The following PAPPA variants were observed in gnomAD, a reference collection of about 807,000 sequenced individuals.
PAPPA encodes the protein pappalysin 1, also known as pappalysin-1.
A neutral mutation model predicts 164.0 loss-of-function variants in PAPPA; 60 were observed. The observed-to-expected ratio is 0.37, with a 90% CI of 0.30 to 0.45. The LOEUF is 0.45. PAPPA is among the 20% of genes least tolerant of loss of function. The pLI, the probability that PAPPA is intolerant of heterozygous loss-of-function variation, is 1.00. For synonymous variants in PAPPA, 875 were observed against 814.1 expected, an observed-to-expected ratio of 1.07 and a Z score of -1.27; for missense variants, 1,782 against 2,087.3, an observed-to-expected ratio of 0.85 and a Z score of 2.85.
At chr9:116,192,538 A>C (rs1219023014) in intron 2 of PAPPA, among the ~76,000 whole-genome samples, 1 of 152,140 alleles carries the variant, frequency 6.6e-6, no homozygotes, top group Non-Finnish European at 1.5e-5. Flanking sequence ...TGCCAGCCCG[A>C]TCACTGCCCT....
At chr9:116,192,175 G>C (rs1425512426) in intron 2 of PAPPA, among the ~76,000 whole-genome samples, 1 of 152,150 alleles carries the variant, frequency 6.6e-6, no homozygotes. Flanking sequence ...AAAGGAACCT[G>C]TTGATGCAAT....
intron 7 of PAPPA, among the ~76,000 whole-genome samples, chr9:116,239,095 T>C (rs1844707498): frequency 6.6e-6 from 1 of 152,180 alleles, no homozygotes; most frequent in Non-Finnish European, 1.5e-5. Context: ...TCATTTTTTT[T>C]CTCTCAACAA....
chr9:116,260,373 T>G (rs1399059028), intron 7 of PAPPA, among the ~76,000 whole-genome samples: 2 of 152,202 alleles, frequency 1.3e-5, no homozygotes, highest in Admixed American at 1.3e-4. Flanking sequence ...GCATGTATAG[T>G]CTTTGGCACA....
Position 116,235,549 on chromosome 9 carries a change from A to G in PAPPA, c.2644A>G (p.Lys882Glu), listed in dbSNP as rs1844653513. ...TADTPLCLQC[K>E]PLKYKVVRDP... ...AGACACCCCACTCTGTCTACAGTGT[A>G]AGCCCCTGAAGTATAAGGTGGTCCG... The change falls in exon 7 of 22, where the codon AAG becomes GAG. Residue 882 changes from lysine to glutamate, a missense_variant. Lys to Glu is a moderately conservative substitution (Grantham distance 56). Coordinates refer to ENST00000328252, the MANE Select transcript of PAPPA (RefSeq NM_002581.5). 6.2e-7 allele frequency: 1 copy of G among 1,613,672 alleles called. No individual in the cohort carries two copies. The highest frequency in any genetic ancestry group is 8.5e-7 in the Non-Finnish European group (1 of 1,179,994).
At position 116,211,814 on chromosome 9, in the gene PAPPA, C is replaced by T. The variant is rs1844310877; in HGVS notation, c.1800C>T (p.Cys600=). ...CCTCCTTCGAGACTGGAGACCTCTG[C>T]AATGATACCAACCCAGCCCCTAAAC... ...TEPSFETGDL[C]NDTNPAPKHK... Residue 600 remains cysteine, a synonymous_variant, in exon 4 of 22, where the codon TGC becomes TGT. Transcript: ENST00000328252. The T allele has an allele frequency of 6.2e-7, 1 of 1,614,128 alleles. No individual in the cohort carries two copies. The highest frequency in any genetic ancestry group is 8.5e-7 in the Non-Finnish European group (1 of 1,179,984).
At chr9:116,303,811 A>C (rs1326260491) in intron 10 of PAPPA, among the ~76,000 whole-genome samples, 1 of 152,234 alleles carries the variant, frequency 6.6e-6, no homozygotes, top group Non-Finnish European at 1.5e-5. Flanking sequence ...GATGAAAGAA[A>C]GATATGACCT....
chr9:116,319,622 C>T (rs1438759298), intron 10 of PAPPA, among the ~76,000 whole-genome samples: 1 of 152,148 alleles, frequency 6.6e-6, no homozygotes, highest in Non-Finnish European at 1.5e-5. Flanking sequence ...ATCATCCTCA[C>T]CGTTATTGTC....
chr9:116,273,855 T>C (rs1278067369), intron 9 of PAPPA, among the ~76,000 whole-genome samples: 1 of 152,230 alleles, frequency 6.6e-6, no homozygotes, highest in Non-Finnish European at 1.5e-5. Flanking sequence ...ACTGTTGTTC[T>C]CTACCAGATT....
intron 10 of PAPPA, among the ~76,000 whole-genome samples, chr9:116,304,671 A>G (rs1259753992): frequency 6.6e-6 from 1 of 152,148 alleles, no homozygotes; most frequent in Non-Finnish European, 1.5e-5. Context: ...AATTATTCCA[A>G]TCTTGTAAGG....
At chr9:116,277,223 G>A (rs1437253469) in intron 9 of PAPPA, among the ~76,000 whole-genome samples, 2 of 152,160 alleles carry the variant, frequency 1.3e-5, no homozygotes, top group South Asian at 2.1e-4. Flanking sequence ...CAGACTGCAT[G>A]TATTCAATCA....
chr9:116,169,687 C>T (rs1004951121), intron 1 of PAPPA, among the ~76,000 whole-genome samples: 4 of 151,466 alleles, frequency 2.6e-5, no homozygotes, highest in Non-Finnish European at 5.9e-5. Context: ...GTCCATGCTC[C>T]TCCTGCAATC....
At chr9:116,228,336 C>G (rs1844541832) in intron 6 of PAPPA, among the ~76,000 whole-genome samples, 1 of 152,132 alleles carries the variant, frequency 6.6e-6, no homozygotes, top group Non-Finnish European at 1.5e-5. Context: ...AGACCCTGCC[C>G]CCACCCAGTC....
chr9:116,199,728 A>G (rs1216933297), intron 2 of PAPPA, among the ~76,000 whole-genome samples: 1 of 152,126 alleles, frequency 6.6e-6, no homozygotes, highest in African/African-American at 2.4e-5. Flanking sequence ...GTAATTTACA[A>G]AGGAAAGAGA....
At chr9:116,159,909 T>A (rs1042908307) in intron 1 of PAPPA, among the ~76,000 whole-genome samples, 4 of 152,152 alleles carry the variant, frequency 2.6e-5, no homozygotes, top group African/African-American at 9.7e-5. Context: ...AATTAAACTG[T>A]ATTCACAGAT....
chr9:116,160,665 C>T (rs1679807133), intron 1 of PAPPA, among the ~76,000 whole-genome samples: 1 of 152,184 alleles, frequency 6.6e-6, no homozygotes, highest in Non-Finnish European at 1.5e-5. Flanking sequence ...CTCGGGAATC[C>T]AGTAGGTATC....
At chr9:116,278,787 C>T (rs1845232720) in intron 9 of PAPPA, among the ~76,000 whole-genome samples, 1 of 152,104 alleles carries the variant, frequency 6.6e-6, no homozygotes, top group South Asian at 2.1e-4. Context: ...CTCTCAATAC[C>T]TCTGAGTCTC....
intron 7 of PAPPA, among the ~76,000 whole-genome samples, chr9:116,257,392 G>A (rs1028117726): frequency 2.0e-5 from 3 of 151,910 alleles, no homozygotes; most frequent in South Asian, 2.1e-4. Context: ...CCTACCTAGC[G>A]CAGCTGGACA....
At chr9:116,259,560 G>A (rs903027458) in intron 7 of PAPPA, among the ~76,000 whole-genome samples, 10 of 152,190 alleles carry the variant, frequency 6.6e-5, no homozygotes, top group African/African-American at 2.4e-4. Flanking sequence ...AGGCTTGTTA[G>A]TAATCAGGGA....
intron 7 of PAPPA, among the ~76,000 whole-genome samples, chr9:116,256,373 A>G (rs1246553373): frequency 6.6e-6 from 1 of 152,010 alleles, no homozygotes; most frequent in African/African-American, 2.4e-5. Context: ...GATAAATCCA[A>G]GTGAAGGGAA....
Sources: allele counts gnomAD v4.1 joint callset (sites outside exome capture counted in the v4.1 genomes callset), GRCh38; gene constraint gnomAD v4.1.1; transcripts MANE v1.5; gene names NCBI Gene and HGNC (gene_info 2026-07-23, HGNC 2026-07-21).